The following GPHN variants were observed in gnomAD, a reference collection of about 807,000 sequenced individuals.
The protein encoded by GPHN is gephyrin.
Under a neutral mutation model 95.5 loss-of-function variants are expected in GPHN, and 17 were observed. The observed-to-expected ratio is 0.18, with a 90% CI of 0.12 to 0.27. GPHN has a LOEUF of 0.27. GPHN is among the 10% of genes least tolerant of loss of function. GPHN has a pLI of 1.00. For synonymous variants in GPHN, 320 were observed against 322.5 expected (o/e 0.99, Z 0.08); for missense variants, 660 against 978.1 (o/e 0.67, Z 4.34).
At chr14:67,273,682 T>C in the GPHN span, among the ~76,000 whole-genome samples, 1 of 152,214 alleles carries the variant, frequency 6.6e-6, no homozygotes, top group Non-Finnish European at 1.5e-5. Context: ...GTTCTAGATC[T>C]CTGAGGAATT....
chr14:66,600,021 T>G (rs1299443530), intron 1 of GPHN, among the ~76,000 whole-genome samples: 1 of 152,102 alleles, frequency 6.6e-6, no homozygotes, highest in African/African-American at 2.4e-5. Context: ...TATTAATGCA[T>G]TTTTAATATT....
chr14:66,775,326 G>T (rs868379689), intron 2 of GPHN, among the ~76,000 whole-genome samples: 1 of 152,042 alleles, frequency 6.6e-6, no homozygotes, highest in South Asian at 2.1e-4. Context: ...AGGTTCCTTG[G>T]TAAGCGCTGA....
chr14:67,185,859 G>A (rs1251005806), downstream of GPHN, among the ~76,000 whole-genome samples: 1 of 152,136 alleles, frequency 6.6e-6, no homozygotes, highest in African/African-American at 2.4e-5. Context: ...CCCAATTATA[G>A]AAAGTGGGGT....
chr14:67,111,712 T>A (rs1441701722), intron 14 of GPHN, 149 bp from the exon 15 acceptor site: 10 of 650,598 alleles, frequency 1.5e-5, no homozygotes, highest in Non-Finnish European at 2.5e-5. Context: ...TGTTAGAAAT[T>A]CAGTGTTTTC....
the GPHN span, among the ~76,000 whole-genome samples, chr14:67,420,194 C>A: frequency 1.4e-3 from 208 of 152,354 alleles, no homozygotes; most frequent in African/African-American, 4.6e-3. Context: ...CTCTGCCACT[C>A]CCAGGTGATG....
intron 20 of GPHN, 29 bp from the exon 21 acceptor site, chr14:67,168,904 T>G (rs2082435689): frequency 1.5e-6 from 2 of 1,372,480 alleles, no homozygotes; most frequent in African/African-American, 2.8e-5. Flanking sequence ...ACACAGTGTA[T>G]TATAAATAAC....
At chr14:67,274,133 C>A in the GPHN span, among the ~76,000 whole-genome samples, 1 of 152,144 alleles carries the variant, frequency 6.6e-6, no homozygotes, top group Non-Finnish European at 1.5e-5. Flanking sequence ...TTAATTAGAT[C>A]CCATTTGTCA....
the GPHN span, among the ~76,000 whole-genome samples, chr14:67,375,182 C>CT: frequency 6.6e-6 from 1 of 151,894 alleles, no homozygotes; most frequent in African/African-American, 2.4e-5. Context: ...CAGTATTTCT[C>CT]TTTTCTCAGG....
the GPHN span, among the ~76,000 whole-genome samples, chr14:67,477,187 C>T: frequency 1.3e-3 from 196 of 151,346 alleles, 1 homozygote; most frequent in Non-Finnish European, 2.2e-3. Flanking sequence ...AAAAAATGTT[C>T]GATATCTCCT....
At chr14:67,293,230 TTGTTTCTGATGCTAACTGG>T in the GPHN span, among the ~76,000 whole-genome samples, 10 of 152,164 alleles carry the variant, frequency 6.6e-5, no homozygotes, top group Non-Finnish European at 1.3e-4. Context: ...ACTTAAATTC[TTGTTTCTGATGCTAACTGG>T]TGTTCAGTGT....
intron 3 of GPHN, among the ~76,000 whole-genome samples, chr14:66,797,669 G>T (rs1595933065): frequency 6.6e-6 from 1 of 151,814 alleles, no homozygotes; most frequent in African/African-American, 2.4e-5. Flanking sequence ...ATTTTTGTAT[G>T]TTGATTTTGT....
chr14:67,602,625 T>C, the GPHN span, among the ~76,000 whole-genome samples: 5 of 152,210 alleles, frequency 3.3e-5, no homozygotes, highest in Non-Finnish European at 5.9e-5. Context: ...ATAGAATCAG[T>C]GTTTCATTTT....
At chr14:67,368,781 G>A in the GPHN span, among the ~76,000 whole-genome samples, 5 of 152,092 alleles carry the variant, frequency 3.3e-5, no homozygotes, top group Non-Finnish European at 5.9e-5. Context: ...ACAGCTGTTC[G>A]GGAGGCTGAG....
intron 4 of GPHN, among the ~76,000 whole-genome samples, chr14:66,828,581 C>T (rs1010134913): frequency 7.2e-5 from 11 of 151,878 alleles, no homozygotes; most frequent in African/African-American, 2.7e-4. Context: ...CCTAATAATG[C>T]TTTATAGTCG....
the GPHN span, among the ~76,000 whole-genome samples, chr14:67,603,996 G>GTTTT: frequency 0.073 from 10,877 of 149,514 alleles, 472 homozygotes; most frequent in Middle Eastern, 0.11. Flanking sequence ...CTTGTTTTTT[G>GTTTT]TTTTTGTTTT....
the GPHN span, chr14:67,572,089 C>T: frequency 1.2e-4 from 186 of 1,575,498 alleles, no homozygotes; most frequent in Non-Finnish European, 1.6e-4. Flanking sequence ...CTGCGTGAGT[C>T]GGGGAGGTGT....
chr14:67,606,611 G>A, the GPHN span, among the ~76,000 whole-genome samples: 1 of 150,852 alleles, frequency 6.6e-6, no homozygotes, highest in Admixed American at 6.6e-5. Context: ...TCAAAGGAAA[G>A]GTAAAAAAGC....
At chr14:67,351,958 G>A in the GPHN span, among the ~76,000 whole-genome samples, 1 of 138,606 alleles carries the variant, frequency 7.2e-6, no homozygotes, top group Non-Finnish European at 1.5e-5. Context: ...TTGTCAATAA[G>A]CATGAAAAGC....
chr14:67,575,941 C>T, the GPHN span: 2 of 1,613,946 alleles, frequency 1.2e-6, no homozygotes, highest in Non-Finnish European at 1.7e-6. Flanking sequence ...TCCCACTGCA[C>T]CCTGGTGATC....
Sources: allele counts gnomAD v4.1 joint callset (sites outside exome capture counted in the v4.1 genomes callset), GRCh38; gene constraint gnomAD v4.1.1; transcripts MANE v1.5; gene names NCBI Gene and HGNC (gene_info 2026-07-23, HGNC 2026-07-21).